Variants in ING5 observed in about 807,000 individuals in gnomAD.
ING5 encodes inhibitor of growth protein 5.
In ING5, 17 loss-of-function variants were observed where a neutral mutation model predicts 37.4. The ratio of observed to expected loss-of-function variants is 0.45; its 90% CI spans 0.31 to 0.68. ING5 has a LOEUF of 0.68. Ranked by LOEUF, ING5 falls within the 30% of genes least tolerant of loss-of-function variation. ING5 has a pLI of 0.05. For missense variants in ING5, 233 were observed against 311.9 expected (o/e 0.75, Z 1.91); for synonymous variants, 123 against 116.6 (o/e 1.06, Z -0.36).
At position 241,726,452 on chromosome 2, in the gene ING5, A is replaced by C. The variant is rs1691625473; in HGVS notation, c.*1421A>C. 1 of 152,282 alleles carries C rather than the reference A, an allele frequency of 6.6e-6. No individual in the cohort carries two copies. Among genetic ancestry groups the C allele is most frequent in the Admixed American group, 6.5e-5 (1 of 15,284 alleles). 9.4% of individuals were successfully genotyped at this position (152,282 alleles called of 1,614,324 possible). ...GGGGCCCTCCCGTCGAGAAGCTGGT[A>C]GTCAGTGAGTGAGAACAAGAGAACA... On this transcript the variant is annotated 3_prime_UTR_variant, in exon 8 of 8. Transcript: ENST00000313552.
chr2:241,702,336 C>G (rs2069764270), intron 1 of ING5, among the ~76,000 whole-genome samples: 1 of 149,204 alleles, frequency 6.7e-6, no homozygotes, highest in Non-Finnish European at 1.5e-5. Context: ...CCAGGTGCGT[C>G]ACGGCGGGGC....
intron 3 of ING5, among the ~76,000 whole-genome samples, chr2:241,710,463 C>T (rs1163550114): frequency 6.6e-6 from 1 of 151,526 alleles, no homozygotes; most frequent in Non-Finnish European, 1.5e-5. Flanking sequence ...CCACTACCAA[C>T]AGGCTAATTT....
At chr2:241,723,439 C>A (rs1034772105) in intron 7 of ING5, among the ~76,000 whole-genome samples, 168 bp downstream of exon 7, 1 of 152,218 alleles carries the variant, frequency 6.6e-6, no homozygotes, top group East Asian at 1.9e-4. Context: ...TGGCTGGTGG[C>A]TGCTCTGGGT....
intron 1 of ING5, among the ~76,000 whole-genome samples, chr2:241,702,694 C>A (rs1028876309): frequency 2.6e-5 from 4 of 152,230 alleles, no homozygotes; most frequent in Non-Finnish European, 4.4e-5. Flanking sequence ...GGTGGGCGGG[C>A]TGTGCTGTTT....
At chr2:241,707,731 T>C (rs2069967420) in intron 2 of ING5, among the ~76,000 whole-genome samples, 1 of 152,220 alleles carries the variant, frequency 6.6e-6, no homozygotes, top group Non-Finnish European at 1.5e-5. Context: ...TATAGATTGC[T>C]TAACAAATAT....
chr2:241,691,100 G>A (rs909395871), intron 2 of ING5, among the ~76,000 whole-genome samples: 2 of 151,718 alleles, frequency 1.3e-5, no homozygotes, highest in African/African-American at 4.8e-5. Flanking sequence ...GTGAGCCAGC[G>A]CACCCAGCCA....
chr2:241,713,410 C>A (rs112990181), intron 5 of ING5, among the ~76,000 whole-genome samples: 91,431 of 136,644 alleles, frequency 0.67, 31,263 homozygotes, highest in African/African-American at 0.84. Context: ...TTGCTCTGTC[C>A]CTCAGGCTGG....
intron 2 of ING5, 112 bp from the exon 3 acceptor site, chr2:241,709,104 C>T: frequency 8.7e-7 from 1 of 1,155,648 alleles, no homozygotes; most frequent in South Asian, 1.5e-5. Context: ...GAGTTCATGT[C>T]AGCCTACATC....
upstream of ING5, among the ~76,000 whole-genome samples, chr2:241,701,566 G>A (rs921756663): frequency 1.3e-5 from 2 of 152,038 alleles, no homozygotes; most frequent in Admixed American, 6.5e-5. Flanking sequence ...AGGCCCCGGG[G>A]GCTCGGGGTC....
At chr2:241,724,744 G>A (rs1164857871) in intron 7 of ING5, 2 of 548,032 alleles carry the variant, frequency 3.6e-6, no homozygotes, top group African/African-American at 4.4e-5. Flanking sequence ...GAACGCCTGG[G>A]TGTCAAATCG....
At chr2:241,717,696 C>CTT (rs371435124) in intron 5 of ING5, among the ~76,000 whole-genome samples, 6 of 134,532 alleles carry the variant, frequency 4.5e-5, no homozygotes, top group African/African-American at 1.6e-4. Context: ...TTGGTGGTTT[C>CTT]TTTTTTTTTT....
At chr2:241,724,380 G>A (rs758318690) in intron 7 of ING5, among the ~76,000 whole-genome samples, 7 of 152,368 alleles carry the variant, frequency 4.6e-5, no homozygotes, top group South Asian at 4.1e-4. Flanking sequence ...CTGTTAGGGC[G>A]GAGGGCCCTG....
At chr2:241,703,587 C>CGG (rs1575121379) in intron 1 of ING5, among the ~76,000 whole-genome samples, 2 of 151,898 alleles carry the variant, frequency 1.3e-5, no homozygotes, top group East Asian at 3.9e-4. Flanking sequence ...TTGGGCAGCT[C>CGG]AGAGAGAACA....
intron 5 of ING5, among the ~76,000 whole-genome samples, chr2:241,718,121 T>A (rs2070324254): frequency 6.6e-6 from 1 of 152,218 alleles, no homozygotes; most frequent in South Asian, 2.1e-4. Flanking sequence ...CAAGCCATTC[T>A]CCCGCCTCAG....
chr2:241,705,083 C>CT (rs1169853186), intron 2 of ING5, among the ~76,000 whole-genome samples: 7 of 151,384 alleles, frequency 4.6e-5, no homozygotes, highest in Admixed American at 2.0e-4. Flanking sequence ...AACTCCGTTT[C>CT]TTTTTTTTTG....
intron 5 of ING5, chr2:241,719,673 G>A: frequency 6.5e-7 from 1 of 1,531,924 alleles, no homozygotes; most frequent in South Asian, 1.2e-5. Flanking sequence ...GGAGACTCCA[G>A]CTCCCTGTTG....
upstream of ING5, among the ~76,000 whole-genome samples, chr2:241,697,356 A>G (rs1403860067): frequency 2.3e-4 from 34 of 145,476 alleles, no homozygotes; most frequent in Admixed American, 2.4e-3. Context: ...AATGGCATGA[A>G]CCCGGGAGGC....
rs549656450 is a variant in ING5 at position 241,707,416 on chromosome 2, G to A, written c.110-1800G>A. ...AGCAATTCTCCTGCCTCAGCCTCCC[G>A]AGTAGCTGGGATTACAGGCATGCGC... On this transcript the variant is annotated intron_variant, in intron 2 of 7. Coordinates refer to ENST00000313552, the MANE Select transcript of ING5 (RefSeq NM_032329.6). 1.0e-3 allele frequency among the ~76,000 whole-genome samples: 157 copies of A among 152,080 alleles called. 1 individual carries two copies. The highest frequency in any genetic ancestry group is 3.6e-3 in the African/African-American group (148 of 41,486).
At chr2:241,702,298 G>T (rs1455998766) in intron 1 of ING5, among the ~76,000 whole-genome samples, 196 bp downstream of exon 1, 1 of 149,438 alleles carries the variant, frequency 6.7e-6, no homozygotes, top group East Asian at 2.0e-4. Context: ...CGGGCGCGGG[G>T]GGTCCCGCCG....
Sources: gnomAD v4.1 joint callset for allele counts (sites outside exome capture counted in the v4.1 genomes callset) on GRCh38, gnomAD v4.1.1 for gene constraint, MANE v1.5 for transcripts, NCBI Gene and HGNC (gene_info 2026-07-23, HGNC 2026-07-21) for gene names.